Variants in NRXN1 observed in about 807,000 individuals in gnomAD.
NRXN1 encodes the protein neurexin 1.
A neutral mutation model predicts 150.9 loss-of-function variants in NRXN1; 39 were observed. The observed-to-expected ratio is 0.26, with a 90% confidence interval of 0.20 to 0.34. The LOEUF (loss-of-function observed/expected upper bound fraction) is 0.34, where lower values mean the gene tolerates loss of function less well. Among genes scored for constraint, NRXN1 ranks in the 10% least tolerant of loss-of-function variants. NRXN1 has a pLI of 1.00. For missense variants in NRXN1, 1,815 were observed against 1,949.9 expected (o/e 0.93, Z 1.30); for synonymous variants, 924 against 757.0 (o/e 1.22, Z -3.62).
At chr2:50,437,821 T>TG (rs1389320501) in intron 17 of NRXN1, among the ~76,000 whole-genome samples, 1 of 152,178 alleles carries the variant, frequency 6.6e-6, no homozygotes, top group African/African-American at 2.4e-5. Flanking sequence ...AATGTCTGGG[T>TG]GAAATGCTTT....
intron 2 of NRXN1, among the ~76,000 whole-genome samples, chr2:50,955,442 A>T (rs1258505495): frequency 6.6e-6 from 1 of 152,226 alleles, no homozygotes; most frequent in Non-Finnish European, 1.5e-5. Context: ...CTTCTTTAAG[A>T]GGAAAATTTT....
chr2:50,176,799 T>C (rs1471158570), intron 18 of NRXN1, among the ~76,000 whole-genome samples: 1 of 152,150 alleles, frequency 6.6e-6, no homozygotes, highest in Non-Finnish European at 1.5e-5. Context: ...CCCAAATCAC[T>C]GCTCTGGCTT....
intron 13 of NRXN1, among the ~76,000 whole-genome samples, chr2:50,505,575 T>C (rs970767284): frequency 6.6e-6 from 1 of 152,188 alleles, no homozygotes; most frequent in Non-Finnish European, 1.5e-5. Context: ...AGAACTGTCC[T>C]AGACCAAAAC....
intron 17 of NRXN1, among the ~76,000 whole-genome samples, chr2:50,331,740 T>C (rs1013440026): frequency 2.0e-5 from 3 of 152,186 alleles, no homozygotes; most frequent in Non-Finnish European, 4.4e-5. Flanking sequence ...ATCCTCTGAA[T>C]AGAAACCATC....
chr2:50,204,206 C>G (rs1042889673), intron 18 of NRXN1, among the ~76,000 whole-genome samples: 12 of 152,000 alleles, frequency 7.9e-5, no homozygotes, highest in African/African-American at 2.9e-4. Context: ...GATAATACAA[C>G]TAGGTGAAGT....
chr2:50,735,378 A>G (rs1698611259), intron 5 of NRXN1, among the ~76,000 whole-genome samples: 1 of 152,186 alleles, frequency 6.6e-6, no homozygotes, highest in Non-Finnish European at 1.5e-5. Flanking sequence ...AATGAAACGT[A>G]CCAAGAACAC....
chr2:50,566,249 A>T (rs1003872764), intron 8 of NRXN1, among the ~76,000 whole-genome samples: 7 of 150,626 alleles, frequency 4.6e-5, no homozygotes, highest in Middle Eastern at 3.2e-3. Context: ...TGGTATAATT[A>T]TTTTTTTTTA....
At chr2:50,025,343 A>G (rs1018626290) in intron 21 of NRXN1, among the ~76,000 whole-genome samples, 2 of 152,210 alleles carry the variant, frequency 1.3e-5, no homozygotes, top group African/African-American at 2.4e-5. Flanking sequence ...AAATATGAGT[A>G]GGTAGAGAAA....
At chr2:50,966,961 T>C (rs1483201272) in intron 2 of NRXN1, among the ~76,000 whole-genome samples, 1 of 151,926 alleles carries the variant, frequency 6.6e-6, no homozygotes, top group Non-Finnish European at 1.5e-5. Context: ...AGGCTTTGCT[T>C]TGGCAAATAA....
intron 5 of NRXN1, among the ~76,000 whole-genome samples, chr2:50,914,999 T>A (rs752523146): frequency 1.3e-5 from 2 of 151,528 alleles, no homozygotes; most frequent in African/African-American, 2.4e-5. Flanking sequence ...AAATGAGAAT[T>A]TTTTTAAAGT....
intron 18 of NRXN1, among the ~76,000 whole-genome samples, chr2:50,231,813 C>G (rs11125297): frequency 0.91 from 138,785 of 152,106 alleles, 63,518 homozygotes; most frequent in East Asian, 1. Flanking sequence ...GCTATATGAG[C>G]GCTTTTCTCT....
Position 50,838,740 on chromosome 2 carries a change from G to A in NRXN1, c.832+83129C>T, listed in dbSNP as rs138983978. Among the ~76,000 whole-genome samples, 366 of 152,204 alleles carry A rather than the reference G, an allele frequency of 2.4e-3. 2 individuals carry two copies. The highest frequency in any genetic ancestry group is 4.4e-3 in the Non-Finnish European group (301 of 68,000). On this transcript the variant is annotated intron_variant, in intron 5 of 22. Coordinates refer to ENST00000401669, the MANE Select transcript of NRXN1 (RefSeq NM_001330078.2). Reference sequence around the variant, plus strand: ...CACCAAGGACCACCAGGGAAAACCAGAAGTTAAAAGAAGCAGAGAATAATC... The same window carrying A: ...CACCAAGGACCACCAGGGAAAACCAAAAGTTAAAAGAAGCAGAGAATAATC...
At chr2:50,684,185 A>C (rs1411810718) in intron 5 of NRXN1, among the ~76,000 whole-genome samples, 1 of 152,188 alleles carries the variant, frequency 6.6e-6, no homozygotes, top group African/African-American at 2.4e-5. Context: ...ATGAATGATA[A>C]AGAATTCTGT....
intron 17 of NRXN1, among the ~76,000 whole-genome samples, chr2:50,362,664 C>A (rs1409088423): frequency 6.6e-6 from 1 of 152,174 alleles, no homozygotes. Flanking sequence ...AATGGCCATA[C>A]TGCCCAAAGT....
At chr2:50,739,720 C>T (rs147018929) in intron 5 of NRXN1, among the ~76,000 whole-genome samples, 39 of 152,174 alleles carry the variant, frequency 2.6e-4, no homozygotes, top group African/African-American at 9.1e-4. Context: ...TTAACATTGT[C>T]TTCATTATTT....
chr2:50,982,447 C>T (rs530822961), intron 2 of NRXN1, among the ~76,000 whole-genome samples: 2 of 152,168 alleles, frequency 1.3e-5, no homozygotes, highest in South Asian at 2.1e-4. Flanking sequence ...ATGCTCTGAA[C>T]GTGGCCTAAG....
At chr2:50,507,253 G>A (rs369728578) in intron 12 of NRXN1, among the ~76,000 whole-genome samples, 6 of 151,964 alleles carry the variant, frequency 3.9e-5, no homozygotes, top group East Asian at 1.9e-4. Context: ...AAAACACATC[G>A]AAATAAACCT....
chr2:50,499,025 C>A (rs987520066), intron 13 of NRXN1, among the ~76,000 whole-genome samples: 12 of 152,188 alleles, frequency 7.9e-5, no homozygotes, highest in African/African-American at 2.9e-4. Context: ...TGAACAACCA[C>A]CTATGTGTGT....
intron 9 of NRXN1, among the ~76,000 whole-genome samples, chr2:50,540,266 A>C (rs1247225876): frequency 6.6e-6 from 1 of 152,248 alleles, no homozygotes; most frequent in Non-Finnish European, 1.5e-5. Context: ...AGAAAAGGAC[A>C]AAGTATTCAT....
Sources: allele counts gnomAD v4.1 joint callset (sites outside exome capture counted in the v4.1 genomes callset), GRCh38; gene constraint gnomAD v4.1.1; transcripts MANE v1.5; gene names NCBI Gene and HGNC (gene_info 2026-07-23, HGNC 2026-07-21).